Variants in TNKS observed in about 807,000 individuals in gnomAD.
The protein encoded by TNKS is poly [ADP-ribose] polymerase tankyrase-1.
Under a neutral mutation model 135.8 loss-of-function variants are expected in TNKS, and 72 were observed. That is an observed-to-expected ratio of 0.53 (90% CI 0.44 to 0.64). The LOEUF is 0.64. Ranked by LOEUF, TNKS falls within the 30% of genes least tolerant of loss-of-function variation. TNKS has a pLI of 0.00. For missense variants in TNKS, 1,769 were observed against 1,674.0 expected (o/e 1.06, Z -0.99); for synonymous variants, 849 against 649.3 (o/e 1.31, Z -4.68).
chr8:9,564,357 T>A (rs1169461021), intron 1 of TNKS, among the ~76,000 whole-genome samples: 2 of 151,910 alleles, frequency 1.3e-5, no homozygotes, highest in African/African-American at 4.8e-5. Context: ...AAGGTCGAGT[T>A]GTGAGCATAA....
chr8:9,675,583 T>C (rs577182262), intron 3 of TNKS, among the ~76,000 whole-genome samples: 1 of 152,346 alleles, frequency 6.6e-6, no homozygotes, highest in South Asian at 2.1e-4. Flanking sequence ...CATCTGTAAA[T>C]TTAAATGCTT....
chr8:9,699,104 T>C lies in TNKS; in HGVS notation c.1108-5559T>C, dbSNP rs1163225286. ...CTGGCAGTGATTGCTGTGCTGTGTATGTGGATGTCCTAAATGTTTGATGCT... is the reference window on the plus strand; with the variant it reads ...CTGGCAGTGATTGCTGTGCTGTGTACGTGGATGTCCTAAATGTTTGATGCT... On this transcript the variant is annotated intron_variant, in intron 5 of 26. Coordinates refer to ENST00000310430, the MANE Select transcript of TNKS (RefSeq NM_003747.3). Among the ~76,000 whole-genome samples, 3 of 152,350 alleles carry C rather than the reference T, an allele frequency of 2.0e-5. No individual in the cohort carries two copies. In the East Asian group the frequency reaches 5.8e-4, roughly 29 times the overall value.
chr8:9,565,946 A>G (rs1483526652), intron 1 of TNKS, among the ~76,000 whole-genome samples: 2 of 152,228 alleles, frequency 1.3e-5, no homozygotes, highest in African/African-American at 4.8e-5. Context: ...TTGTGTCTAC[A>G]TGTATATAAC....
At chr8:9,698,822 T>C (rs919293104) in intron 5 of TNKS, among the ~76,000 whole-genome samples, 1 of 152,244 alleles carries the variant, frequency 6.6e-6, no homozygotes, top group Non-Finnish European at 1.5e-5. Flanking sequence ...AAGGCAAAGA[T>C]AGACAAATGC....
intron 3 of TNKS, among the ~76,000 whole-genome samples, chr8:9,616,889 A>G (rs1236737254): frequency 6.6e-6 from 1 of 152,204 alleles, no homozygotes; most frequent in African/African-American, 2.4e-5. Context: ...CTCAGATTCT[A>G]CAGCCTTTCA....
intron 3 of TNKS, among the ~76,000 whole-genome samples, chr8:9,631,586 C>G (rs965764823): frequency 1.3e-5 from 2 of 152,174 alleles, no homozygotes; most frequent in East Asian, 3.8e-4. Flanking sequence ...TTGTCTTCTG[C>G]TTTAGAATAT....
At chr8:9,743,991 A>C (rs979405515) in intron 17 of TNKS, among the ~76,000 whole-genome samples, 1 of 152,202 alleles carries the variant, frequency 6.6e-6, no homozygotes, top group African/African-American at 2.4e-5. Flanking sequence ...TTTATTGATC[A>C]TTATTCCTTC....
In TNKS at chr8:9,776,714, C is replaced by T. The variant is rs748569372; in HGVS notation, c.3962C>T (p.Thr1321Ile). 1.4e-5 allele frequency: 23 copies of T among 1,613,902 alleles called. No individual in the cohort carries two copies. The highest frequency in any genetic ancestry group is 1.7e-5 in the Admixed American group (1 of 59,988). ...CCAGAAGCCCCTTCCCAGACCGCAACAGCCGCAGAGCAGAAGACCTAGTGA... is the reference window on the plus strand; with the variant it reads ...CCAGAAGCCCCTTCCCAGACCGCAATAGCCGCAGAGCAGAAGACCTAGTGA... ...MKPEAPSQTA[T>I]AAEQKT is the part of the protein sequence containing the mutation. The change falls in exon 27 of 27, where the codon ACA (threonine) becomes ATA (isoleucine). Residue 1321 changes from threonine to isoleucine, a missense_variant. Physicochemically the swap from Thr to Ile is moderately conservative, Grantham distance 89. Coordinates refer to ENST00000310430, the MANE Select transcript of TNKS (RefSeq NM_003747.3).
intron 3 of TNKS, among the ~76,000 whole-genome samples, chr8:9,626,329 G>C (rs1021330038): frequency 7.9e-5 from 12 of 152,154 alleles, no homozygotes; most frequent in Admixed American, 7.2e-4. Context: ...TATTAGTTGA[G>C]TCATTTTTTC....
rs1196675030 is a variant in TNKS at position 9,658,692 on chromosome 8, C to T, written c.995-21259C>T. Among the ~76,000 whole-genome samples, 34 of 152,208 alleles carry T rather than the reference C, an allele frequency of 2.2e-4. 2 individuals carry two copies. The highest frequency in any genetic ancestry group is 2.2e-3 in the Admixed American group (34 of 15,280). The stretch of plus-strand genomic sequence containing the variant: ...CTGCATCAACTAATGAGCAAAATAA[C>T]TAGCTAACATCATAATGACAGGATC... On this transcript the variant is annotated intron_variant, in intron 3 of 26. Coordinates refer to ENST00000310430, the MANE Select transcript of TNKS (RefSeq NM_003747.3).
chr8:9,578,203 C>T (rs1373771213), intron 1 of TNKS, among the ~76,000 whole-genome samples: 1 of 152,160 alleles, frequency 6.6e-6, no homozygotes, highest in East Asian at 1.9e-4. Context: ...TGCACTCAGG[C>T]TTTATTCAGA....
At chr8:9,693,634 T>C (rs1803381319) in intron 5 of TNKS, among the ~76,000 whole-genome samples, 1 of 152,128 alleles carries the variant, frequency 6.6e-6, no homozygotes, top group African/African-American at 2.4e-5. Context: ...TACAATACTT[T>C]ATTTGTGAAG....
In TNKS at chr8:9,765,980, T is replaced by G. The variant is rs112232861; in HGVS notation, c.3553+183T>G. ...AATGTATCACACATCAGTACAGACT[T>G]TCCAGTGCATATACAGTGAAAATAC... is the stretch of plus-strand genomic sequence containing the variant. On this transcript the variant is annotated intron_variant, in intron 24 of 26. Transcript: ENST00000310430. Among the ~76,000 whole-genome samples, 21 of 152,330 alleles carry G rather than the reference T, an allele frequency of 1.4e-4. 2 individuals carry two copies. The highest frequency in any genetic ancestry group is 5.1e-4 in the African/African-American group (21 of 41,580).
intron 3 of TNKS, among the ~76,000 whole-genome samples, chr8:9,667,752 A>G (rs544336383): frequency 1.7e-4 from 26 of 151,900 alleles, no homozygotes; most frequent in African/African-American, 5.8e-4. Context: ...TATTTTCCCA[A>G]AAGTATCACT....
chr8:9,747,873 C>A (rs1341319308), intron 17 of TNKS, 151 bp from the exon 18 acceptor site: 2 of 740,858 alleles, frequency 2.7e-6, no homozygotes, highest in East Asian at 5.9e-5. Context: ...AAGTAGAAGA[C>A]TGAAATACTC....
chr8:9,735,230 G>T, intron 16 of TNKS, 146 bp downstream of exon 16: 1 of 1,076,946 alleles, frequency 9.3e-7, no homozygotes, highest in Non-Finnish European at 1.3e-6. Flanking sequence ...ATTTCTTATT[G>T]TGAAGTCCCT....
At chr8:9,759,982 G>C (rs10104145) in intron 20 of TNKS, among the ~76,000 whole-genome samples, 2,614 of 143,412 alleles carry the variant, frequency 0.018, 35 homozygotes, top group African/African-American at 0.04. Context: ...TGTCTCAAAA[G>C]AAAACAAAAC....
At chr8:9,576,998 T>A (rs1196010508) in intron 1 of TNKS, among the ~76,000 whole-genome samples, 4 of 152,176 alleles carry the variant, frequency 2.6e-5, no homozygotes, top group African/African-American at 9.6e-5. Flanking sequence ...TAATAGTACC[T>A]CTGGGGAAGC....
chr8:9,568,032 T>C (rs1407351662), intron 1 of TNKS, among the ~76,000 whole-genome samples: 1 of 152,188 alleles, frequency 6.6e-6, no homozygotes, highest in Non-Finnish European at 1.5e-5. Flanking sequence ...ATATGGAAAA[T>C]AGTATATTTA....
Sources: gnomAD v4.1 joint callset for allele counts (sites outside exome capture counted in the v4.1 genomes callset) on GRCh38, gnomAD v4.1.1 for gene constraint, MANE v1.5 for transcripts, NCBI Gene and HGNC (gene_info 2026-07-23, HGNC 2026-07-21) for gene names.